Variants in LAMA3 observed in about 807,000 individuals in gnomAD.
The protein encoded by LAMA3 is laminin subunit alpha 3, also known as laminin subunit alpha-3.
LAMA3 carries 281 observed loss-of-function variants against 402.0 expected under a neutral mutation model. The observed-to-expected ratio is 0.70, with a 90% CI of 0.63 to 0.77. The LOEUF is 0.77. Ranked by LOEUF, LAMA3 falls within the 30% of genes least tolerant of loss-of-function variation. The probability of loss-of-function intolerance (pLI) is 0.00; values close to 1 mark genes in which losing one functional copy is unlikely to be tolerated. For missense variants in LAMA3, 3,840 were observed against 4,215.5 expected, an observed-to-expected ratio of 0.91 and a Z score of 2.47; for synonymous variants, 1,431 against 1,558.4, an observed-to-expected ratio of 0.92 and a Z score of 1.93.
At chr18:23,929,947 G>A (rs1249580156) in intron 64 of LAMA3, among the ~76,000 whole-genome samples, 1 of 152,052 alleles carries the variant, frequency 6.6e-6, no homozygotes, top group Admixed American at 6.5e-5. Context: ...TATAGCATAG[G>A]GACATTGCCC....
chr18:23,945,926 T>C (rs1230957721), intron 69 of LAMA3, among the ~76,000 whole-genome samples: 1 of 152,212 alleles, frequency 6.6e-6, no homozygotes, highest in Non-Finnish European at 1.5e-5. Context: ...AACCTTTTTT[T>C]TTCAGTTCCC....
rs965142547 is a variant in LAMA3, at chr18:23,858,697, A to G, written c.4290A>G (p.Val1430=). The stretch of plus-strand genomic sequence containing the variant: ...ATGTTTTGCTTCAATAGGAAAATGT[A>G]GAAGGCACAGAGTGTAATGTGTGTC... ...GTGACLCKEN[V]EGTECNVCRE... The change falls in exon 34 of 75, where the codon GTA becomes GTG. Residue 1430 remains valine, a synonymous_variant. Transcript: ENST00000313654. 3 of 1,614,090 alleles carry G rather than the reference A, an allele frequency of 1.9e-6. No individual in the cohort carries two copies. Among genetic ancestry groups the G allele is most frequent in the African/African-American group, 1.3e-5 (1 of 74,928 alleles).
intron 2 of LAMA3, among the ~76,000 whole-genome samples, chr18:23,727,136 G>A (rs1315518622): frequency 2.0e-5 from 3 of 152,130 alleles, no homozygotes; most frequent in Non-Finnish European, 4.4e-5. Context: ...TGCTTATGAG[G>A]TCTTAGTCAT....
intron 1 of LAMA3, among the ~76,000 whole-genome samples, chr18:23,693,326 C>G (rs1188384090): frequency 6.6e-6 from 1 of 152,138 alleles, no homozygotes; most frequent in Non-Finnish European, 1.5e-5. Context: ...GACTCCATCT[C>G]AAAAACAAAA....
rs535328018 is a variant in LAMA3 at position 23,885,947 on chromosome 18, T to G, written c.5303+1094T>G. Among the ~76,000 whole-genome samples, 10 of 152,282 alleles carry G rather than the reference T, an allele frequency of 6.6e-5. No individual in the cohort carries two copies. The East Asian group carries it at 1.9e-3, about 29-fold the overall frequency. ...GTGAACCCTTAAAAAAAAAAGTAGATTCCTGTTTTACTTTCTGTTTTGACT... is the reference window on the plus strand; with the variant it reads ...GTGAACCCTTAAAAAAAAAAGTAGAGTCCTGTTTTACTTTCTGTTTTGACT... On this transcript the variant is annotated intron_variant, in intron 41 of 74. Transcript: ENST00000313654.
At chr18:23,775,675 A>T in intron 9 of LAMA3, 117 bp from the exon 10 acceptor site, 1 of 1,201,738 alleles carries the variant, frequency 8.3e-7, no homozygotes, top group Non-Finnish European at 1.2e-6. Flanking sequence ...GTGCCCTTTC[A>T]AGAATACCTA....
At chr18:23,848,138 TA>T (rs2063863135) in intron 32 of LAMA3, among the ~76,000 whole-genome samples, 1 of 152,206 alleles carries the variant, frequency 6.6e-6, no homozygotes, top group Non-Finnish European at 1.5e-5. Context: ...AAATCCCACC[TA>T]GCTGATTTGG....
intron 39 of LAMA3, 58 bp downstream of exon 39, chr18:23,876,465 C>T (rs971200544): frequency 1.8e-6 from 2 of 1,121,582 alleles, no homozygotes; most frequent in Admixed American, 1.7e-5. Flanking sequence ...CTCCATTCCC[C>T]TGTACTATGC....
chr18:23,763,040 A>G (rs2062003199), intron 7 of LAMA3, among the ~76,000 whole-genome samples: 1 of 152,006 alleles, frequency 6.6e-6, no homozygotes, highest in Non-Finnish European at 1.5e-5. Context: ...TATTTTTAGT[A>G]GAGACAGGGT....
At chr18:23,884,993 A>C (rs1293100356) in intron 41 of LAMA3, 140 bp downstream of exon 41, 2 of 599,044 alleles carry the variant, frequency 3.3e-6, no homozygotes, top group African/African-American at 3.7e-5. Flanking sequence ...TGGGAAAAAT[A>C]CAAGACTGCT....
chr18:23,907,590 T>C lies in LAMA3; in HGVS notation c.6759T>C (p.Asn2253=). The change falls in exon 53 of 75, where the codon AAT becomes AAC. Residue 2253 remains asparagine (N), a synonymous_variant. Coordinates refer to ENST00000313654, the MANE Select transcript of LAMA3 (RefSeq NM_198129.4). ...PALNNLQQTL[N]IVTVQKEVID... ...TCAACAACCTACAGCAAACCCTGAATATTGTGACAGTTCAGAAAGAAGTGA... is the reference window on the plus strand; with the variant it reads ...TCAACAACCTACAGCAAACCCTGAACATTGTGACAGTTCAGAAAGAAGTGA... 1 of 1,614,094 alleles carries C rather than the reference T, an allele frequency of 6.2e-7. No homozygotes were observed. The highest frequency in any genetic ancestry group is 8.5e-7 in the Non-Finnish European group (1 of 1,179,926).
chr18:23,784,427 T>C (rs1279469268), intron 12 of LAMA3, among the ~76,000 whole-genome samples: 2 of 152,110 alleles, frequency 1.3e-5, no homozygotes, highest in East Asian at 3.9e-4. Context: ...GAGGAGGTGG[T>C]ATCTGAACAG....
At chr18:23,843,260 T>G (rs1020178791) in intron 29 of LAMA3, among the ~76,000 whole-genome samples, 2 of 152,160 alleles carry the variant, frequency 1.3e-5, no homozygotes, top group African/African-American at 4.8e-5. Context: ...CTCTGATCTT[T>G]CCTGAACTCC....
chr18:23,883,531 A>G (rs1319953785), intron 40 of LAMA3, among the ~76,000 whole-genome samples: 2 of 152,224 alleles, frequency 1.3e-5, no homozygotes, highest in Non-Finnish European at 2.9e-5. Flanking sequence ...AGCCCTTAAC[A>G]GACACATGGG....
chr18:23,900,070 C>CGTGTGTGTGTGTGTGTGCGTGT, intron 47 of LAMA3, among the ~76,000 whole-genome samples: 1 of 150,742 alleles, frequency 6.6e-6, no homozygotes. Flanking sequence ...TGTGTGTGTG[C>CGTGTGTGTGTGTGTGTGCGTGT]GTGTGTGTGT....
At chr18:23,867,747 G>A (rs560537561) in intron 36 of LAMA3, 87 bp from the exon 37 acceptor site, 2 of 1,012,316 alleles carry the variant, frequency 2.0e-6, no homozygotes, top group African/African-American at 3.2e-5. Context: ...ATATGATGTA[G>A]ACCATAGAAA....
intron 24 of LAMA3, 50 bp from the exon 25 acceptor site, chr18:23,836,931 T>C: frequency 7.6e-7 from 1 of 1,318,826 alleles, no homozygotes; most frequent in South Asian, 1.2e-5. Flanking sequence ...ATGTGCAGAA[T>C]GAGGGAGATG....
At chr18:23,915,213 TAA>T in intron 58 of LAMA3, 74 bp from the exon 59 acceptor site, 6 of 1,505,520 alleles carry the variant, frequency 4.0e-6, no homozygotes, top group Non-Finnish European at 5.5e-6. Context: ...TAGTGACTGT[TAA>T]AAGTGATTAA....
At position 23,838,830 on chromosome 18, in the gene LAMA3, G is replaced by T. The variant is rs2144565468; in HGVS notation, c.3143G>T (p.Arg1048Ile). 6.2e-7 allele frequency: 1 copy of T among 1,612,886 alleles called. No individual in the cohort carries two copies. Among genetic ancestry groups the T allele is most frequent in the Non-Finnish European group, 8.5e-7 (1 of 1,178,890 alleles). Residue 1048 changes from arginine to isoleucine, a missense_variant, in exon 26 of 75, where the codon AGA (arginine) becomes ATA (isoleucine). Around this residue, in one of 3 missense-constraint regions of LAMA3, gnomAD observed 2,109 missense variants for 2,376.0 expected, o/e 0.89. Coordinates refer to ENST00000313654, the MANE Select transcript of LAMA3 (RefSeq NM_198129.4). ...PIEEFSAEYV[R>I]PQVHCIASYG... ...GAAGAATTCTCAGCTGAGTATGTGA[G>T]ACCACAAGTCCACTGCATTGCCAGT...
Sources: gnomAD v4.1 joint callset for allele counts (sites outside exome capture counted in the v4.1 genomes callset) on GRCh38, gnomAD v4.1.1 for gene constraint, gnomAD v4.1.1 regional missense constraint, MANE v1.5 for transcripts, NCBI Gene and HGNC (gene_info 2026-07-23, HGNC 2026-07-21) for gene names.